ALK: variants seen among roughly 807,000 people sequenced by gnomAD.
ALK encodes ALK tyrosine kinase receptor.
ALK carries 74 observed loss-of-function variants against 163.1 expected under a neutral mutation model. The ratio of observed to expected loss-of-function variants is 0.45; its 90% CI spans 0.38 to 0.55. ALK has a LOEUF of 0.55. ALK is among the 20% of genes least tolerant of loss of function. ALK has a pLI of 0.00. For synonymous variants in ALK, 960 were observed against 843.2 expected (o/e 1.14, Z -2.40); for missense variants, 2,063 against 2,105.3 (o/e 0.98, Z 0.39).
chr2:29,425,520 G>A (rs1670114912), intron 4 of ALK, among the ~76,000 whole-genome samples: 1 of 152,166 alleles, frequency 6.6e-6, no homozygotes, highest in Admixed American at 6.5e-5. Flanking sequence ...TAATGCTGGG[G>A]CTCCAGTTGC....
At chr2:29,535,425 T>A (rs1673226627) in intron 3 of ALK, among the ~76,000 whole-genome samples, 1 of 152,194 alleles carries the variant, frequency 6.6e-6, no homozygotes, top group African/African-American at 2.4e-5. Flanking sequence ...AACTTAGAGG[T>A]CAAACTCTTT....
intron 1 of ALK, among the ~76,000 whole-genome samples, chr2:29,778,860 A>G (rs1681253475): frequency 6.6e-6 from 1 of 152,144 alleles, no homozygotes; most frequent in South Asian, 2.1e-4. Flanking sequence ...AAAATGGAAT[A>G]AAGAAAACCT....
At chr2:29,701,373 G>C (rs552126427) in intron 2 of ALK, among the ~76,000 whole-genome samples, 2 of 152,294 alleles carry the variant, frequency 1.3e-5, no homozygotes, top group South Asian at 4.1e-4. Flanking sequence ...CAGTTTCCAG[G>C]TGAATGTAGG....
intron 4 of ALK, among the ~76,000 whole-genome samples, chr2:29,429,395 C>T (rs1234106708): frequency 6.6e-6 from 1 of 151,958 alleles, no homozygotes; most frequent in Non-Finnish European, 1.5e-5. Context: ...CTAATAAGTT[C>T]AGCAAGGTTG....
chr2:29,830,214 C>T (rs1332604517), intron 1 of ALK, among the ~76,000 whole-genome samples: 1 of 152,204 alleles, frequency 6.6e-6, no homozygotes, highest in African/African-American at 2.4e-5. Flanking sequence ...TTGTCCTTCA[C>T]AAAGAGACCA....
chr2:29,320,935 T>C, intron 6 of ALK, 53 bp from the exon 7 acceptor site: 1 of 1,612,806 alleles, frequency 6.2e-7, no homozygotes, highest in Non-Finnish European at 8.5e-7. Flanking sequence ...AAAGGCAAAA[T>C]ATGCCAATGC....
chr2:29,542,817 C>T (rs899573455), intron 3 of ALK, among the ~76,000 whole-genome samples: 3 of 152,132 alleles, frequency 2.0e-5, no homozygotes, highest in Non-Finnish European at 2.9e-5. Context: ...AAAAATTTAT[C>T]CGTGGCATTT....
At chr2:29,472,315 G>A (rs1046118692) in intron 4 of ALK, among the ~76,000 whole-genome samples, 1 of 152,196 alleles carries the variant, frequency 6.6e-6, no homozygotes, top group Non-Finnish European at 1.5e-5. Context: ...CTTTCTTACT[G>A]TACCTTGTCT....
chr2:29,527,840 C>T (rs776705052), intron 4 of ALK, among the ~76,000 whole-genome samples: 42 of 152,142 alleles, frequency 2.8e-4, no homozygotes, highest in Non-Finnish European at 4.0e-4. Context: ...ACCTTCATCA[C>T]GTCACATTAC....
At chr2:29,834,398 T>C (rs536529149) in intron 1 of ALK, among the ~76,000 whole-genome samples, 1 of 152,348 alleles carries the variant, frequency 6.6e-6, no homozygotes, top group Non-Finnish European at 1.5e-5. Context: ...TTTGACATGT[T>C]ATTTTGGTAT....
At chr2:29,327,129 T>A (rs937907300) in intron 6 of ALK, among the ~76,000 whole-genome samples, 1 of 152,182 alleles carries the variant, frequency 6.6e-6, no homozygotes, top group Non-Finnish European at 1.5e-5. Context: ...GGTGATTACT[T>A]CTGGAGAGGC....
intron 4 of ALK, among the ~76,000 whole-genome samples, chr2:29,437,477 G>A (rs1372355196): frequency 1.3e-5 from 2 of 152,164 alleles, no homozygotes; most frequent in African/African-American, 4.8e-5. Flanking sequence ...ACAAAGCGAG[G>A]CCACTTCTAA....
Position 29,583,030 on chromosome 2 carries a change from C to CTTTTTTTT in ALK, c.953-50915_953-50914insAAAAAAAA, listed in dbSNP as rs759185460. On this transcript the variant is annotated intron_variant, in intron 3 of 28. Coordinates refer to ENST00000389048, the MANE Select transcript of ALK (RefSeq NM_004304.5). ...GGCATGTGCCACCATGCCTGGCTAACTTTTGTTTTTTGTTTTTTTGTTTTT... is the reference window on the plus strand; with the variant it reads ...GGCATGTGCCACCATGCCTGGCTAACTTTTTTTTTTTTGTTTTTTGTTTTTTTGTTTTT... Among the ~76,000 whole-genome samples, 98 of 83,260 alleles carry CTTTTTTTT rather than the reference C, an allele frequency of 1.2e-3. 3 individuals are homozygous for CTTTTTTTT. The highest frequency in any genetic ancestry group is 8.0e-3 in the Admixed American group (70 of 8,716). 54.6% of individuals were successfully genotyped at this position (83,260 alleles called of 152,430 possible). A position where few individuals can be genotyped will look rare whatever the true frequency, so the allele number is the denominator to read the frequency against.
At chr2:29,748,752 C>CT (rs992678958) in intron 1 of ALK, among the ~76,000 whole-genome samples, 237 of 147,550 alleles carry the variant, frequency 1.6e-3, no homozygotes, top group Admixed American at 8.5e-3. Context: ...TAACATATCA[C>CT]TTTTTTTTTT....
intron 1 of ALK, among the ~76,000 whole-genome samples, chr2:29,832,286 T>G (rs924079822): frequency 2.6e-5 from 4 of 152,138 alleles, no homozygotes; most frequent in Non-Finnish European, 5.9e-5. Context: ...TTCCAAAAGC[T>G]GGGTGTGGGG....
intron 3 of ALK, among the ~76,000 whole-genome samples, chr2:29,640,273 A>G (rs999710785): frequency 1.6e-4 from 25 of 152,154 alleles, no homozygotes; most frequent in African/African-American, 5.8e-4. Flanking sequence ...GTAATCGCCA[A>G]TGTTGGAGGT....
intron 4 of ALK, among the ~76,000 whole-genome samples, chr2:29,461,805 T>C (rs879383898): frequency 1.3e-5 from 2 of 152,094 alleles, no homozygotes; most frequent in Non-Finnish European, 2.9e-5. Flanking sequence ...TATTATTTAA[T>C]AAATGCATTC....
At chr2:29,636,853 T>C (rs1676548799) in intron 3 of ALK, among the ~76,000 whole-genome samples, 1 of 152,170 alleles carries the variant, frequency 6.6e-6, no homozygotes, top group African/African-American at 2.4e-5. Flanking sequence ...TTAAATATCA[T>C]TAACTATTAG....
chr2:29,818,189 T>C (rs148807489), intron 1 of ALK, among the ~76,000 whole-genome samples: 3 of 152,350 alleles, frequency 2.0e-5, no homozygotes, highest in African/African-American at 7.2e-5. Flanking sequence ...ACAGGAGTTT[T>C]GATGTGACCC....
Sources: allele counts gnomAD v4.1 joint callset (sites outside exome capture counted in the v4.1 genomes callset), GRCh38; gene constraint gnomAD v4.1.1; transcripts MANE v1.5; gene names NCBI Gene and HGNC (gene_info 2026-07-23, HGNC 2026-07-21).